RARB: variants seen among roughly 807,000 people sequenced by gnomAD.
RARB encodes the protein HBV-activated protein.
Under a neutral mutation model 51.9 loss-of-function variants are expected in RARB, and 17 were observed. The ratio of observed to expected loss-of-function variants is 0.33; its 90% CI spans 0.22 to 0.49. The LOEUF is 0.49. Among genes scored for constraint, RARB ranks in the 20% least tolerant of loss-of-function variants. The probability of loss-of-function intolerance (pLI) is 0.99; values close to 1 mark genes in which losing one functional copy is unlikely to be tolerated. For synonymous variants in RARB, 215 were observed against 195.4 expected, an observed-to-expected ratio of 1.10 and a Z score of -0.84; for missense variants, 369 against 550.8, an observed-to-expected ratio of 0.67 and a Z score of 3.30.
intron 5 of RARB, among the ~76,000 whole-genome samples, chr3:25,320,798 T>C (rs995883932): frequency 6.6e-6 from 1 of 152,214 alleles, no homozygotes; most frequent in African/African-American, 2.4e-5. Context: ...ATTTGGGTTC[T>C]TTCCCAGTGA....
intron 1 of RARB, among the ~76,000 whole-genome samples, chr3:24,830,561 C>G (rs991083823): frequency 1.4e-4 from 21 of 151,206 alleles, no homozygotes; most frequent in African/African-American, 5.1e-4. Context: ...CTGACACTCC[C>G]CGCCGGAGGC....
intron 1 of RARB, among the ~76,000 whole-genome samples, chr3:24,842,873 C>A (rs1213668857): frequency 6.6e-6 from 1 of 152,204 alleles, no homozygotes; most frequent in East Asian, 1.9e-4. Context: ...GGCCACATAA[C>A]GATAGTCACA....
rs374557390 is a variant in RARB at position 25,172,712 on chromosome 3, CT to C, written c.-279-1405del. ...AAAACCTCTTGTCTATTCCAGCAAG[CT>C]TGTTGTGAGAAGCATATTATTTTGA... On this transcript the variant is annotated intron_variant, in intron 4 of 11. Transcript: ENST00000383772. Among the ~76,000 whole-genome samples, 14 of 152,252 alleles carry C rather than the reference CT, an allele frequency of 9.2e-5. No homozygotes were observed. In the East Asian group the frequency reaches 2.7e-3, roughly 29 times the overall value.
chr3:24,977,395 G>A (rs13062314), intron 2 of RARB, among the ~76,000 whole-genome samples: 30,914 of 152,032 alleles, frequency 0.2, 3,678 homozygotes, highest in East Asian at 0.31. Flanking sequence ...ACCCATGAGC[G>A]TGGAATGTTC....
intron 2 of RARB, among the ~76,000 whole-genome samples, chr3:25,490,292 T>A (rs1416181967): frequency 6.6e-6 from 1 of 152,188 alleles, no homozygotes; most frequent in African/African-American, 2.4e-5. Context: ...AAGCATTTAT[T>A]TTTCTGTACT....
chr3:24,929,377 A>G (rs1050137113), intron 2 of RARB, among the ~76,000 whole-genome samples: 1 of 152,084 alleles, frequency 6.6e-6, no homozygotes, highest in African/African-American at 2.4e-5. Context: ...CCATGCTCTG[A>G]GAGTAAGCAG....
At chr3:25,005,168 C>A (rs564215621) in intron 2 of RARB, among the ~76,000 whole-genome samples, 29 of 152,172 alleles carry the variant, frequency 1.9e-4, no homozygotes, top group Non-Finnish European at 3.2e-4. Context: ...GTCCAGATTG[C>A]CACTTCTCTT....
intron 3 of RARB, among the ~76,000 whole-genome samples, chr3:25,104,915 A>T (rs1172411111): frequency 1.3e-5 from 2 of 152,150 alleles, no homozygotes; most frequent in African/African-American, 4.8e-5. Context: ...AGTGGAGGTA[A>T]TGCCTGCAAG....
At position 25,117,351 on chromosome 3, in the gene RARB, C is replaced by T. The variant is rs1046704184; in HGVS notation, c.-327-14810C>T. Among the ~76,000 whole-genome samples, 3 of 152,114 alleles carry T rather than the reference C, an allele frequency of 2.0e-5. No homozygotes were observed. The East Asian group carries it at 5.8e-4, about 29-fold the overall frequency. Reference sequence around the variant, plus strand: ...AATTGAGAACTGAATAAAAGTTCACCAGGAGCATGGCACAAGAGGTTTCTA... The same window carrying T: ...AATTGAGAACTGAATAAAAGTTCACTAGGAGCATGGCACAAGAGGTTTCTA... On this transcript the variant is annotated intron_variant, in intron 3 of 11. Transcript: ENST00000383772.
chr3:25,348,328 A>G lies in RARB; in HGVS notation c.179-112865A>G, dbSNP rs191820896. Among the ~76,000 whole-genome samples the G allele has an allele frequency of 1.2e-4, 18 of 152,228 alleles. No homozygotes were observed. In the East Asian group the frequency reaches 3.1e-3, roughly 26 times the overall value. On this transcript the variant is annotated intron_variant, in intron 5 of 11. Coordinates refer to the RARB transcript ENST00000383772. The stretch of plus-strand genomic sequence containing the variant: ...ATTTTATTATCTTAAATAAAAATTT[A>G]TTTTGGTACTCACTAAAATATTTGC...
chr3:25,585,989 C>G (rs988736875), intron 5 of RARB, among the ~76,000 whole-genome samples: 1 of 152,140 alleles, frequency 6.6e-6, no homozygotes, highest in African/African-American at 2.4e-5. Context: ...GAGGTAAATA[C>G]TGTTGTAAAA....
intron 2 of RARB, among the ~76,000 whole-genome samples, chr3:25,015,895 C>G (rs1376066471): frequency 6.6e-6 from 1 of 152,160 alleles, no homozygotes; most frequent in Admixed American, 6.6e-5. Flanking sequence ...CAAGTCATAT[C>G]ATGTTGACCC....
chr3:25,426,454 C>A (rs905220391), upstream of RARB, among the ~76,000 whole-genome samples: 1 of 152,356 alleles, frequency 6.6e-6, no homozygotes, highest in South Asian at 2.1e-4. Context: ...GTGTGCGATG[C>A]ATACTTTTCA....
intron 2 of RARB, among the ~76,000 whole-genome samples, chr3:24,978,849 G>A (rs1696577212): frequency 6.6e-6 from 1 of 152,050 alleles, no homozygotes; most frequent in Non-Finnish European, 1.5e-5. Flanking sequence ...ATGTTAGGGT[G>A]TCTATTTTAG....
chr3:25,505,433 A>T (rs896903476), intron 3 of RARB, among the ~76,000 whole-genome samples: 2 of 152,204 alleles, frequency 1.3e-5, no homozygotes, highest in African/African-American at 4.8e-5. Context: ...CTAGAAAATC[A>T]TGTGCAAATT....
intron 2 of RARB, among the ~76,000 whole-genome samples, chr3:24,945,039 G>C (rs763155395): frequency 3.3e-5 from 5 of 152,158 alleles, no homozygotes; most frequent in Non-Finnish European, 1.5e-5. Flanking sequence ...ACATTCACAT[G>C]GGGAACAGTG....
intron 2 of RARB, among the ~76,000 whole-genome samples, chr3:24,877,152 C>A (rs780803100): frequency 1.3e-5 from 2 of 151,852 alleles, no homozygotes; most frequent in Non-Finnish European, 2.9e-5. Flanking sequence ...ATCTATATAT[C>A]TTTTGAAAAC....
intron 4 of RARB, among the ~76,000 whole-genome samples, chr3:25,577,859 G>A (rs1025528321): frequency 1.5e-5 from 2 of 129,958 alleles, no homozygotes; most frequent in Non-Finnish European, 3.3e-5. Flanking sequence ...GGCCATGGGC[G>A]CGACCCTCCA....
intron 5 of RARB, among the ~76,000 whole-genome samples, chr3:25,314,799 G>C (rs1003531076): frequency 1.4e-4 from 22 of 152,276 alleles, no homozygotes; most frequent in Non-Finnish European, 2.6e-4. Context: ...CTATCACCCA[G>C]GTGGTGAGCG....
Sources: gnomAD v4.1 joint callset for allele counts (sites outside exome capture counted in the v4.1 genomes callset) on GRCh38, gnomAD v4.1.1 for gene constraint, MANE v1.5 for transcripts, NCBI Gene and HGNC (gene_info 2026-07-23, HGNC 2026-07-21) for gene names.